EEA1: variants seen among roughly 807,000 people sequenced by gnomAD.
The protein encoded by EEA1 is early endosome antigen 1, 162kD.
EEA1 carries 111 observed loss-of-function variants against 209.2 expected under a neutral mutation model. The ratio of observed to expected loss-of-function variants is 0.53; its 90% CI spans 0.45 to 0.62. EEA1 has a LOEUF of 0.62. Among genes scored for constraint, EEA1 ranks in the 20% least tolerant of loss-of-function variants. The pLI, the probability that EEA1 is intolerant of heterozygous loss-of-function variation, is 0.00. For synonymous variants in EEA1, 536 were observed against 540.6 expected (o/e 0.99, Z 0.12); for missense variants, 1,343 against 1,530.8 (o/e 0.88, Z 2.05).
intron 11 of EEA1, among the ~76,000 whole-genome samples, chr12:92,828,395 A>G (rs1015723756): frequency 6.6e-6 from 1 of 152,114 alleles, no homozygotes; most frequent in Non-Finnish European, 1.5e-5. Context: ...CTTAAAAATT[A>G]AGACACTTAG....
chr12:92,899,694 T>C (rs1433540933), intron 1 of EEA1, among the ~76,000 whole-genome samples: 3 of 152,248 alleles, frequency 2.0e-5, no homozygotes, highest in Admixed American at 6.5e-5. Context: ...CACTTTGTAG[T>C]GGGACAAAAG....
intron 2 of EEA1, among the ~76,000 whole-genome samples, chr12:92,880,838 C>T (rs1296830912): frequency 6.6e-6 from 1 of 152,126 alleles, no homozygotes; most frequent in Non-Finnish European, 1.5e-5. Flanking sequence ...TTCCTTATTC[C>T]TTCTGCCAAG....
intron 24 of EEA1, 100 bp downstream of exon 24, chr12:92,780,180 T>C (rs755721416): frequency 8.3e-6 from 11 of 1,318,864 alleles, no homozygotes; most frequent in Admixed American, 2.7e-5. Context: ...GCCTAGCACA[T>C]AGCAAGTTCT....
chr12:92,871,460 G>A (rs4594045), intron 2 of EEA1, among the ~76,000 whole-genome samples: 93,836 of 152,004 alleles, frequency 0.62, 29,721 homozygotes, highest in East Asian at 0.94. Context: ...CATTTTCATC[G>A]TGCACTTTCT....
At chr12:92,811,002 T>C (rs1321092067) in intron 17 of EEA1, among the ~76,000 whole-genome samples, 4 of 152,102 alleles carry the variant, frequency 2.6e-5, no homozygotes, top group Non-Finnish European at 5.9e-5. Context: ...GTAGAGTAGA[T>C]ACCTGGTTAT....
chr12:92,798,632 A>G (rs1283937435), intron 21 of EEA1, among the ~76,000 whole-genome samples: 1 of 152,116 alleles, frequency 6.6e-6, no homozygotes, highest in Non-Finnish European at 1.5e-5. Context: ...ATTATTTTTA[A>G]TAAGATAGTT....
intron 15 of EEA1, among the ~76,000 whole-genome samples, chr12:92,815,296 T>C (rs1002689427): frequency 6.6e-6 from 1 of 152,168 alleles, no homozygotes; most frequent in South Asian, 2.1e-4. Context: ...GAAAGGAGCT[T>C]ACAATGCAGA....
chr12:92,892,093 G>A (rs1879674859), intron 1 of EEA1, among the ~76,000 whole-genome samples: 1 of 152,060 alleles, frequency 6.6e-6, no homozygotes, highest in South Asian at 2.1e-4. Flanking sequence ...GTACTCTTTT[G>A]TTTTGGTTGT....
intron 1 of EEA1, among the ~76,000 whole-genome samples, chr12:92,897,384 C>T (rs1164093202): frequency 2.0e-5 from 3 of 152,170 alleles, no homozygotes; most frequent in Non-Finnish European, 4.4e-5. Context: ...TGTAACTTTA[C>T]TTCAGCCTCT....
chr12:92,857,584 G>GT (rs1877937246), intron 3 of EEA1, 99 bp from the exon 4 acceptor site: 3 of 695,366 alleles, frequency 4.3e-6, no homozygotes, highest in African/African-American at 1.9e-5. Flanking sequence ...TAATATTATA[G>GT]TTTTTTCAAT....
Position 92,819,439 on chromosome 12 carries a change from G to A in EEA1, c.1597C>T (p.Gln533Ter). Residue 533 changes from glutamine (Q) to a stop codon, truncating the protein, a stop_gained, in exon 14 of 29, where the codon CAG (glutamine) becomes TAG (stop). Coordinates refer to ENST00000322349, the MANE Select transcript of EEA1 (RefSeq NM_003566.4). LOFTEE classifies it high-confidence loss of function. ...AATGAAATATTTTCTTTACTCTTCT[G>A]TAATAAAGCTTCAAGGTTCTGGATC... ...QKIQNLEALL[Q>*]KSKENISLLE... 1.2e-6 allele frequency: 2 copies of A among 1,611,778 alleles called. No individual in the cohort carries two copies. Among genetic ancestry groups the A allele is most frequent in the Non-Finnish European group, 1.7e-6 (2 of 1,179,054 alleles).
chr12:92,852,205 T>G lies in EEA1; in HGVS notation c.612A>C (p.Ala204=). Residue 204 remains alanine (A), a synonymous_variant, in exon 8 of 29, where the codon GCA becomes GCC. Coordinates refer to ENST00000322349, the MANE Select transcript of EEA1 (RefSeq NM_003566.4). ...TRLTEELNKE[A]TVIQDLKTEL... The stretch of plus-strand genomic sequence containing the variant: ...CCGTCTTCAGATCTTGAATTACAGT[T>G]GCCTCTTTGTTTAATTCTTCTGTCA... 1.9e-6 allele frequency: 3 copies of G among 1,592,322 alleles called. No individual in the cohort carries two copies. The highest frequency in any genetic ancestry group is 2.6e-6 in the Non-Finnish European group (3 of 1,170,416).
chr12:92,849,578 G>A (rs1382299722), intron 9 of EEA1, among the ~76,000 whole-genome samples: 17 of 152,180 alleles, frequency 1.1e-4, no homozygotes, highest in Admixed American at 1.0e-3. Context: ...GCTACAAAGT[G>A]TCAATTTTGG....
chr12:92,812,980 C>A lies in EEA1; in HGVS notation c.2043G>T (p.Gln681His). The stretch of plus-strand genomic sequence containing the variant: ...TATGAAATTGCATCTGTTTCCCTAC[C>A]TGCTGTTTATCTTGTAATGCATTTT... ...TAQNALQDKQ[Q>H]ELNKITTQLD... Residue 681 changes from glutamine (Q) to histidine (H), a missense_variant and splice_region_variant, in exon 16 of 29, where the codon CAG becomes CAT. Gln to His is a conservative substitution (Grantham distance 24). Around this residue, in one of 3 missense-constraint regions of EEA1, gnomAD observed 1,307 missense variants for 1,465.5 expected, o/e 0.89. Transcript: ENST00000322349. The A allele has an allele frequency of 6.4e-7, 1 of 1,564,848 alleles. No individual in the cohort carries two copies.
At chr12:92,878,777 A>G (rs777319468) in intron 2 of EEA1, among the ~76,000 whole-genome samples, 38 of 152,166 alleles carry the variant, frequency 2.5e-4, no homozygotes, top group Admixed American at 3.3e-4. Flanking sequence ...AAAGGATAAA[A>G]TATTTTATCT....
At position 92,773,643 on chromosome 12, in the gene EEA1, C is replaced by A. The variant is rs777873574; in HGVS notation, c.*2368G>T. 2 of 151,670 alleles carry A rather than the reference C, an allele frequency of 1.3e-5. No homozygotes were observed. The highest frequency in any genetic ancestry group is 2.1e-4 in the South Asian group (1 of 4,826). 9.4% of individuals were successfully genotyped at this position (151,670 alleles called of 1,614,324 possible). A position where few individuals can be genotyped will look rare whatever the true frequency, so the allele number is the denominator to read the frequency against. ...CTTTTCATTAAAGCCAAGAGCTGTA[C>A]ATGCCAGCTTTAACTGACTGACAAA... On this transcript the variant is annotated 3_prime_UTR_variant, in exon 29 of 29. Transcript: ENST00000322349.
intron 18 of EEA1, among the ~76,000 whole-genome samples, chr12:92,808,154 AT>A (rs1252682933): frequency 6.6e-6 from 1 of 152,146 alleles, no homozygotes; most frequent in Non-Finnish European, 1.5e-5. Flanking sequence ...TTAGGTACCA[AT>A]ACCATGATAC....
At chr12:92,816,147 AC>A (rs1363206263) in intron 15 of EEA1, 52 bp downstream of exon 15, 192 of 1,494,478 alleles carry the variant, frequency 1.3e-4, no homozygotes, top group Non-Finnish European at 1.5e-4. Flanking sequence ...AGAATTTAAA[AC>A]ATTTGACGGT....
At chr12:92,868,202 T>A (rs1015001118) in intron 2 of EEA1, among the ~76,000 whole-genome samples, 4 of 152,300 alleles carry the variant, frequency 2.6e-5, no homozygotes, top group African/African-American at 9.6e-5. Context: ...AACATTGTCT[T>A]CTGAATGAAT....
Sources: gnomAD v4.1 joint callset for allele counts (sites outside exome capture counted in the v4.1 genomes callset) on GRCh38, gnomAD v4.1.1 for gene constraint, gnomAD v4.1.1 regional missense constraint, MANE v1.5 for transcripts, NCBI Gene and HGNC (gene_info 2026-07-23, HGNC 2026-07-21) for gene names.